Variants in WDPCP observed in about 807,000 individuals in gnomAD.
WDPCP encodes WD repeat containing planar cell polarity effector.
A neutral mutation model predicts 93.1 loss-of-function variants in WDPCP; 71 were observed. The ratio of observed to expected loss-of-function variants is 0.76; its 90% confidence interval spans 0.63 to 0.93. The LOEUF is 0.93. Among genes scored for constraint, WDPCP ranks in the 40% least tolerant of loss-of-function variants. The probability of loss-of-function intolerance (pLI) is 0.00; values close to 1 mark genes in which losing one functional copy is unlikely to be tolerated. For missense variants in WDPCP, 844 were observed against 887.4 expected (o/e 0.95, Z 0.62); for synonymous variants, 315 against 315.0 (o/e 1.00, Z 0.00).
intron 2 of WDPCP, among the ~76,000 whole-genome samples, chr2:63,782,882 A>G (rs879532965): frequency 2.6e-5 from 4 of 152,066 alleles, no homozygotes; most frequent in Non-Finnish European, 5.9e-5. Flanking sequence ...AGTCCAAAAA[A>G]GCCCTTCCTT....
At chr2:63,733,828 TTGTGCAACCA>T (rs1669599351) in intron 2 of WDPCP, among the ~76,000 whole-genome samples, 1 of 152,118 alleles carries the variant, frequency 6.6e-6, no homozygotes, top group Non-Finnish European at 1.5e-5. Flanking sequence ...ATTCACAAAA[TTGTGCAACCA>T]TCACCACTAT....
intron 14 of WDPCP, among the ~76,000 whole-genome samples, chr2:63,213,462 A>C (rs1677019501): frequency 1.3e-5 from 2 of 152,234 alleles, no homozygotes; most frequent in African/African-American, 4.8e-5. Context: ...TCTCTGGGAC[A>C]CATTTAAAGC....
At chr2:63,754,371 C>T (rs1409504367) in intron 2 of WDPCP, among the ~76,000 whole-genome samples, 3 of 152,144 alleles carry the variant, frequency 2.0e-5, no homozygotes, top group Non-Finnish European at 4.4e-5. Context: ...GAGTCCTAGG[C>T]AAATAAAATA....
At chr2:63,653,913 A>AAG (rs1200909994) in intron 2 of WDPCP, among the ~76,000 whole-genome samples, 1 of 151,808 alleles carries the variant, frequency 6.6e-6, no homozygotes, top group Admixed American at 6.6e-5. Flanking sequence ...CCATCTCAAA[A>AAG]AAAAAAAAAA....
At chr2:63,472,103 G>A (rs1002077647) in intron 6 of WDPCP, among the ~76,000 whole-genome samples, 35 of 151,922 alleles carry the variant, frequency 2.3e-4, no homozygotes, top group African/African-American at 8.5e-4. Context: ...AACTCCTCGT[G>A]TTACTGTTGA....
At chr2:63,208,839 AAGTC>A (rs1373664660) in intron 14 of WDPCP, among the ~76,000 whole-genome samples, 12 of 152,212 alleles carry the variant, frequency 7.9e-5, no homozygotes, top group Non-Finnish European at 1.3e-4. Flanking sequence ...AATCAAGATC[AAGTC>A]AGCTTTTGCC....
chr2:63,373,408 C>T (rs564387368), intron 12 of WDPCP, among the ~76,000 whole-genome samples: 4 of 151,702 alleles, frequency 2.6e-5, no homozygotes, highest in South Asian at 2.1e-4. Context: ...TGCCACCATG[C>T]GCCCGGCTAA....
intron 2 of WDPCP, among the ~76,000 whole-genome samples, chr2:63,762,936 C>T (rs1670078660): frequency 6.6e-6 from 1 of 152,144 alleles, no homozygotes; most frequent in Non-Finnish European, 1.5e-5. Context: ...TGGAAAGCTT[C>T]ATCCATTTAT....
At chr2:63,747,143 T>C (rs1457640510) in intron 2 of WDPCP, among the ~76,000 whole-genome samples, 3 of 152,140 alleles carry the variant, frequency 2.0e-5, no homozygotes, top group Non-Finnish European at 4.4e-5. Flanking sequence ...ATTTTGTCAT[T>C]TTCCCACTGA....
intron 1 of WDPCP, among the ~76,000 whole-genome samples, chr2:63,566,078 C>T (rs911979094): frequency 4.6e-5 from 7 of 152,138 alleles, no homozygotes; most frequent in African/African-American, 1.4e-4. Flanking sequence ...TCAAATTCTC[C>T]GAGAATTCCC....
At chr2:63,533,515 A>G (rs7581630) in intron 1 of WDPCP, among the ~76,000 whole-genome samples, 122,344 of 152,068 alleles carry the variant, frequency 0.8, 49,914 homozygotes, top group East Asian at 0.99. Flanking sequence ...ACAGTCTCTC[A>G]GACCACAGTG....
At chr2:63,522,200 C>T (rs1702983778) in intron 1 of WDPCP, among the ~76,000 whole-genome samples, 1 of 151,826 alleles carries the variant, frequency 6.6e-6, no homozygotes, top group South Asian at 2.1e-4. Context: ...CACCCCCCGG[C>T]AGGTGATGTT....
chr2:63,179,184 A>G (rs1421139271), intron 14 of WDPCP, among the ~76,000 whole-genome samples: 1 of 145,024 alleles, frequency 6.9e-6, no homozygotes, highest in Non-Finnish European at 1.5e-5. Context: ...TGGGTGACAG[A>G]GTGAGACCCT....
intron 2 of WDPCP, among the ~76,000 whole-genome samples, chr2:63,798,840 C>T (rs1350840530): frequency 6.6e-6 from 1 of 151,994 alleles, no homozygotes; most frequent in Non-Finnish European, 1.5e-5. Flanking sequence ...ACACACTTCA[C>T]CTAAAATGAC....
At chr2:63,707,332 ATTC>A (rs1424076823) in intron 2 of WDPCP, among the ~76,000 whole-genome samples, 2 of 151,952 alleles carry the variant, frequency 1.3e-5, no homozygotes, top group Admixed American at 6.6e-5. Flanking sequence ...ATTTCTTTTT[ATTC>A]TTTTTTCTCT....
At chr2:63,642,687 AAC>A (rs1709995166) in intron 3 of WDPCP, 1 of 151,920 alleles carries the variant, frequency 6.6e-6, no homozygotes, top group Non-Finnish European at 1.5e-5. Flanking sequence ...TTTATCTTGT[AAC>A]AGTTTTTGTG....
intron 12 of WDPCP, among the ~76,000 whole-genome samples, chr2:63,354,919 A>C (rs1214282044): frequency 6.6e-6 from 1 of 152,238 alleles, no homozygotes; most frequent in Non-Finnish European, 1.5e-5. Context: ...GGAATGAACA[A>C]AAACTTGGAG....
intron 9 of WDPCP, among the ~76,000 whole-genome samples, chr2:63,431,007 T>A (rs1442711843): frequency 6.6e-6 from 1 of 152,180 alleles, no homozygotes; most frequent in Non-Finnish European, 1.5e-5. Flanking sequence ...CACAGAGAGC[T>A]TATTTCTATG....
intron 2 of WDPCP, among the ~76,000 whole-genome samples, chr2:63,689,139 G>T (rs538870598): frequency 5.6e-4 from 86 of 152,256 alleles, no homozygotes; most frequent in Non-Finnish European, 1.0e-3. Flanking sequence ...CATCCCTCTT[G>T]CAGGGCTTTG....
Sources: allele counts gnomAD v4.1 joint callset (sites outside exome capture counted in the v4.1 genomes callset), GRCh38; gene constraint gnomAD v4.1.1; transcripts MANE v1.5; gene names NCBI Gene and HGNC (gene_info 2026-07-23, HGNC 2026-07-21).